Variants in APBB3 observed in about 807,000 individuals in gnomAD.
The protein encoded by APBB3 is amyloid-beta A4 precursor protein-binding family B member 3.
A neutral mutation model predicts 61.5 loss-of-function variants in APBB3; 50 were observed. The observed-to-expected ratio is 0.81, with a 90% CI of 0.65 to 1.03. APBB3 has a LOEUF of 1.03. Among genes scored for constraint, APBB3 ranks in the 50% least tolerant of loss-of-function variants. The probability of loss-of-function intolerance (pLI) is 0.00; values close to 1 mark genes in which losing one functional copy is unlikely to be tolerated. For missense variants in APBB3, 550 were observed against 637.4 expected, an observed-to-expected ratio of 0.86 and a Z score of 1.48; for synonymous variants, 235 against 233.0, an observed-to-expected ratio of 1.01 and a Z score of -0.08.
chr5:140,564,284 C>G lies in APBB3; in HGVS notation c.-39G>C. 1 of 1,560,206 alleles carries G rather than the reference C, an allele frequency of 6.4e-7. No homozygotes were observed. Reference sequence around the variant, plus strand: ...CCCCGCCAGCCTCTGCCGGCCCGCACTCTCAGCCCAGCGCGACCTCTGGAG... The same window carrying G: ...CCCCGCCAGCCTCTGCCGGCCCGCAGTCTCAGCCCAGCGCGACCTCTGGAG... On this transcript the variant is annotated 5_prime_UTR_variant, in exon 1 of 13. Coordinates refer to ENST00000357560, the MANE Select transcript of APBB3 (RefSeq NM_133173.3). This position sits in a 1 kb window ranked among gnomAD's most constrained non-coding sequence, Gnocchi z 5.0.
chr5:140,560,759 G>A lies in APBB3; in HGVS notation c.917-5C>T, dbSNP rs1754916096. ...CCTCGTTCAGCACATCCATGCCTGG[G>A]GGAACATACCCAGCGTGTCTCCCAG... On this transcript the variant is annotated splice_region_variant and splice_polypyrimidine_tract_variant and intron_variant, in intron 10 of 12. Coordinates refer to ENST00000357560, the MANE Select transcript of APBB3 (RefSeq NM_133173.3). The surrounding 1 kb of genome is among the most constrained non-coding windows in gnomAD (Gnocchi z 5.1). 6.2e-7 allele frequency: 1 copy of A among 1,612,928 alleles called. No individual in the cohort carries two copies. Among genetic ancestry groups the A allele is most frequent in the African/African-American group, 1.3e-5 (1 of 74,996 alleles).
chr5:140,560,544 G>A lies in APBB3; in HGVS notation c.1033-40C>T, dbSNP rs201850062. On this transcript the variant is annotated intron_variant, in intron 11 of 12. Coordinates refer to ENST00000357560, the MANE Select transcript of APBB3 (RefSeq NM_133173.3). This position sits in a 1 kb window ranked among gnomAD's most constrained non-coding sequence, Gnocchi z 5.1. Reference sequence around the variant, plus strand: ...CCTAGTCACTAGAGGGCCAAGCACGGGCCAGACCCACTTAACTTTTCCGAC... The same window carrying A: ...CCTAGTCACTAGAGGGCCAAGCACGAGCCAGACCCACTTAACTTTTCCGAC... The A allele has an allele frequency of 2.7e-4, 437 of 1,606,440 alleles. No homozygotes were observed. Among genetic ancestry groups the A allele is most frequent in the African/African-American group, 2.4e-3 (178 of 74,818 alleles).
intron 12 of APBB3, among the ~76,000 whole-genome samples, chr5:140,559,536 C>G (rs1754853533): frequency 6.6e-6 from 1 of 152,210 alleles, no homozygotes; most frequent in Admixed American, 6.5e-5. Context: ...TTCTGTCATT[C>G]TCTCTGATCT....
At position 140,564,114 on chromosome 5, in the gene APBB3, G is replaced by T; in HGVS notation, c.49+83C>A. 1 of 1,588,002 alleles carries T rather than the reference G, an allele frequency of 6.3e-7. No individual in the cohort carries two copies. The highest frequency in any genetic ancestry group is 8.6e-7 in the Non-Finnish European group (1 of 1,160,764). On this transcript the variant is annotated intron_variant, in intron 1 of 12. Transcript: ENST00000357560. This position sits in a 1 kb window ranked among gnomAD's most constrained non-coding sequence, Gnocchi z 5.0. ...CCTACACAGAGAGGTATCCCCCACCGTCTTTGAGCCCCAGAGTAGCCTTTC... is the reference window on the plus strand; with the variant it reads ...CCTACACAGAGAGGTATCCCCCACCTTCTTTGAGCCCCAGAGTAGCCTTTC...
chr5:140,562,983 A>G, intron 3 of APBB3: 1 of 480,780 alleles, frequency 2.1e-6, no homozygotes, highest in Non-Finnish European at 3.7e-6. Flanking sequence ...GTGGTGGCTC[A>G]CGCCTGTAAT....
intron 8 of APBB3, 26 bp downstream of exon 8, chr5:140,561,561 T>G (rs758118018): frequency 1.4e-5 from 22 of 1,613,686 alleles, no homozygotes; most frequent in Non-Finnish European, 1.9e-5. Flanking sequence ...CTTACCCACA[T>G]TCCCTGCCCC....
rs898042921 is a variant in APBB3, at chr5:140,564,077, C to G, written c.49+120G>C. 5 of 1,486,784 alleles carry G rather than the reference C, an allele frequency of 3.4e-6. No individual in the cohort carries two copies. Among genetic ancestry groups the G allele is most frequent in the Non-Finnish European group, 4.6e-6 (5 of 1,088,504 alleles). The allele number at this position is 1,486,784 out of a possible 1,614,324, so 92.1% of individuals were successfully genotyped here. ...ATCACATGTAAAGACCGGGTTCATTCGCCCCCTGGTCCCTACACAGAGAGG... is the reference window on the plus strand; with the variant it reads ...ATCACATGTAAAGACCGGGTTCATTGGCCCCCTGGTCCCTACACAGAGAGG... On this transcript the variant is annotated intron_variant, in intron 1 of 12. Coordinates refer to ENST00000357560, the MANE Select transcript of APBB3 (RefSeq NM_133173.3). This position sits in a 1 kb window ranked among gnomAD's most constrained non-coding sequence, Gnocchi z 5.0.
chr5:140,561,975 C>T (rs1423760785), intron 6 of APBB3, 125 bp downstream of exon 6: 1 of 1,611,170 alleles, frequency 6.2e-7, no homozygotes, highest in Non-Finnish European at 8.5e-7. Context: ...GGGAAGCAGT[C>T]CTGGGTCCAC....
At position 140,563,637 on chromosome 5, in the gene APBB3, T is replaced by TG. The variant is rs767185614; in HGVS notation, c.246dup (p.Lys83GlnfsTer16). On this transcript the variant is annotated frameshift_variant, in exon 3 of 13. Transcript: ENST00000357560. LOFTEE classifies it high-confidence loss of function. Reference sequence around the variant, plus strand: ...TCCAGGCTGGAGAAGGATCTCCCTTTGGGGGGCCGCAGTCCCCAGATCCCC... The same window carrying TG: ...TCCAGGCTGGAGAAGGATCTCCCTTTGGGGGGGCCGCAGTCCCCAGATCCCC... The TG allele has an allele frequency of 1.9e-6, 3 of 1,614,174 alleles. No homozygotes were observed. The highest frequency in any genetic ancestry group is 1.1e-5 in the South Asian group (1 of 91,080).
Position 140,560,733 on chromosome 5 carries a change from GC to G in APBB3, c.937del (p.Ala313ProfsTer26). 6.2e-7 allele frequency: 1 copy of G among 1,614,150 alleles called. No homozygotes were observed. The highest frequency in any genetic ancestry group is 8.5e-7 in the Non-Finnish European group (1 of 1,180,010). The part of the protein sequence containing the change: ...KAMGMDVLNE[A>X]IGTLTARGDR... The stretch of plus-strand genomic sequence containing the variant: ...CCCCCTGGCGGTGAGGGTACCAATG[GC>G]CTCGTTCAGCACATCCATGCCTGGG... On this transcript the variant is annotated frameshift_variant, in exon 11 of 13. Transcript: ENST00000357560. LOFTEE classifies it high-confidence loss of function. The surrounding 1 kb of genome is among the most constrained non-coding windows in gnomAD (Gnocchi z 5.1).
Position 140,564,377 on chromosome 5 carries a change from CGGGGCGGGACA to C in APBB3, c.-143_-133del. ...GGGGCCAGCTGGCGCCGCACAAATA[CGGGGCGGGACA>C]CGGGGCGGGACACGGGCCGGTCCCG... On this transcript the variant is annotated 5_prime_UTR_variant, in exon 1 of 13. Coordinates refer to ENST00000357560, the MANE Select transcript of APBB3 (RefSeq NM_133173.3). The surrounding 1 kb of genome is among the most constrained non-coding windows in gnomAD (Gnocchi z 5.0). 3.9e-6 allele frequency: 4 copies of C among 1,022,972 alleles called. No individual in the cohort carries two copies. The highest frequency in any genetic ancestry group is 5.8e-6 in the Non-Finnish European group (4 of 692,842). The allele number at this position is 1,022,972 out of a possible 1,614,324, so 63.4% of individuals were successfully genotyped here.
Position 140,562,464 on chromosome 5 carries a change from T to C in APBB3, c.387A>G (p.Val129=). 6.2e-7 allele frequency: 1 copy of C among 1,614,130 alleles called. No individual in the cohort carries two copies. Residue 129 remains valine, a synonymous_variant, in exon 5 of 13, where the codon GTA becomes GTG. Coordinates refer to ENST00000357560, the MANE Select transcript of APBB3 (RefSeq NM_133173.3). ...FAVRSLGWVE[V]PEEDLAPGKS... is the part of the protein sequence containing the mutation. ...TCCCCGGTGCCAGGTCCTCTTCAGG[T>C]ACCTCTACCCAGCCCAGAGAGCGGA...
Position 140,560,185 on chromosome 5 carries a change from A to T in APBB3, c.1224+128T>A. 1 of 1,074,240 alleles carries T rather than the reference A, an allele frequency of 9.3e-7. No individual in the cohort carries two copies. The highest frequency in any genetic ancestry group is 1.3e-6 in the Non-Finnish European group (1 of 753,018). 66.5% of individuals were successfully genotyped at this position (1,074,240 alleles called of 1,614,324 possible). A position where few individuals can be genotyped will look rare whatever the true frequency, so the allele number is the denominator to read the frequency against. Reference sequence around the variant, plus strand: ...ACTTACTAAAAACAACATGAGGGCCAAAACATTAATGAACCAGAATCAGCC... The same window carrying T: ...ACTTACTAAAAACAACATGAGGGCCTAAACATTAATGAACCAGAATCAGCC... On this transcript the variant is annotated intron_variant, in intron 12 of 12. Transcript: ENST00000357560. The surrounding 1 kb of genome is among the most constrained non-coding windows in gnomAD (Gnocchi z 5.1).
rs756057504 is a variant in APBB3 at position 140,558,556 on chromosome 5, G to A, written c.*29C>T. 1 of 1,606,864 alleles carries A rather than the reference G, an allele frequency of 6.2e-7. No individual in the cohort carries two copies. Among genetic ancestry groups the A allele is most frequent in the South Asian group, 1.1e-5 (1 of 90,948 alleles). On this transcript the variant is annotated 3_prime_UTR_variant, in exon 13 of 13. Transcript: ENST00000357560. Reference sequence around the variant, plus strand: ...GTACAGAGTTAGGCATGGACCCAGAGCCTACTTCCCCAGCCTTCCCAGATA... The same window carrying A: ...GTACAGAGTTAGGCATGGACCCAGAACCTACTTCCCCAGCCTTCCCAGATA...
At chr5:140,563,064 G>A (rs1372998802) in intron 3 of APBB3, among the ~76,000 whole-genome samples, 1 of 152,190 alleles carries the variant, frequency 6.6e-6, no homozygotes, top group Admixed American at 6.5e-5. Flanking sequence ...GGCCAACATG[G>A]TGAAACCCCA....
rs1755096475 is a variant in APBB3, at chr5:140,564,078, GC to G, written c.49+118del. The G allele has an allele frequency of 6.7e-6, 10 of 1,483,654 alleles. No individual in the cohort carries two copies. Among genetic ancestry groups the G allele is most frequent in the Admixed American group, 5.8e-5 (3 of 51,646 alleles). 91.9% of individuals were successfully genotyped at this position (1,483,654 alleles called of 1,614,324 possible). ...TCACATGTAAAGACCGGGTTCATTC[GC>G]CCCCTGGTCCCTACACAGAGAGGTA... On this transcript the variant is annotated intron_variant, in intron 1 of 12. Coordinates refer to ENST00000357560, the MANE Select transcript of APBB3 (RefSeq NM_133173.3). This position sits in a 1 kb window ranked among gnomAD's most constrained non-coding sequence, Gnocchi z 5.0.
chr5:140,561,023 G>A lies in APBB3; in HGVS notation c.911C>T (p.Ala304Val). Residue 304 changes from alanine (A) to valine (V), a missense_variant, in exon 10 of 13, where the codon GCC (alanine) becomes GTC (valine). Physicochemically the swap from Ala to Val is moderately conservative, Grantham distance 64. Around this residue, in one of 3 missense-constraint regions of APBB3, gnomAD observed 405 missense variants for 483.4 expected, o/e 0.84. Coordinates refer to ENST00000357560, the MANE Select transcript of APBB3 (RefSeq NM_133173.3). ...GCAGCCCCCTCAGTCCTCACCCATG[G>A]CCTTGGTGACTGGCAGTGTCCCCAT... The part of the protein sequence containing the change: ...LYMGTLPVTK[A>V]MGMDVLNEAI... 1 of 1,612,750 alleles carries A rather than the reference G, an allele frequency of 6.2e-7. No homozygotes were observed. The highest frequency in any genetic ancestry group is 8.5e-7 in the Non-Finnish European group (1 of 1,180,008).
intron 5 of APBB3, 35 bp from the exon 6 acceptor site, chr5:140,562,262 A>G (rs1388891065): frequency 6.2e-7 from 1 of 1,613,228 alleles, no homozygotes; most frequent in East Asian, 2.2e-5. Flanking sequence ...GAGCTCAGAT[A>G]AAGGTCATTG....
Position 140,558,835 on chromosome 5 carries a change from G to A in APBB3, c.1225-14C>T. On this transcript the variant is annotated splice_polypyrimidine_tract_variant and intron_variant, in intron 12 of 12. Transcript: ENST00000357560. ...CTGGTACTGAACCTAGGGAGAAGGG[G>A]AATGTGAGGATCCAGCTACTTTCTG... is the stretch of plus-strand genomic sequence containing the variant. 1 of 1,608,148 alleles carries A rather than the reference G, an allele frequency of 6.2e-7. No individual in the cohort carries two copies. Among genetic ancestry groups the A allele is most frequent in the Non-Finnish European group, 8.5e-7 (1 of 1,176,480 alleles).
Sources: allele counts gnomAD v4.1 joint callset (sites outside exome capture counted in the v4.1 genomes callset), GRCh38; gene constraint gnomAD v4.1.1; regional missense constraint gnomAD v4.1.1; non-coding constraint Gnocchi (gnomAD v3.1); transcripts MANE v1.5; gene names NCBI Gene and HGNC (gene_info 2026-07-23, HGNC 2026-07-21).